The following NPEPPS variants were observed in gnomAD, a reference collection of about 807,000 sequenced individuals.
NPEPPS encodes the protein puromycin-sensitive aminopeptidase.
In NPEPPS, 14 loss-of-function variants were observed where a neutral mutation model predicts 115.5. The ratio of observed to expected loss-of-function variants is 0.12; its 90% confidence interval spans 0.08 to 0.19. The LOEUF (loss-of-function observed/expected upper bound fraction) is 0.19, where lower values mean the gene tolerates loss of function less well. Ranked by LOEUF, NPEPPS falls within the 10% of genes least tolerant of loss-of-function variation. The probability of loss-of-function intolerance (pLI) is 1.00; values close to 1 mark genes in which losing one functional copy is unlikely to be tolerated. For missense variants in NPEPPS, 523 were observed against 1,110.8 expected (o/e 0.47, Z 7.52); for synonymous variants, 285 against 390.6 (o/e 0.73, Z 3.19).
intron 2 of NPEPPS, among the ~76,000 whole-genome samples, chr17:47,552,837 A>G (rs1164364699): frequency 6.6e-6 from 1 of 152,104 alleles, no homozygotes; most frequent in Non-Finnish European, 1.5e-5. Flanking sequence ...TTTAGTGTTT[A>G]CTCTATACCA....
rs553644586 is a variant in NPEPPS, at chr17:47,571,514, C to T, written c.418+2020C>T. On this transcript the variant is annotated intron_variant, in intron 3 of 22. Transcript: ENST00000322157. The stretch of plus-strand genomic sequence containing the variant: ...CGGGTGGATCACGAGGTCAGGAGAT[C>T]GAGACCATCCTGACTAACACGGTGA... Among the ~76,000 whole-genome samples, 1,156 of 152,110 alleles carry T rather than the reference C, an allele frequency of 7.6e-3. 9 individuals are homozygous for T. The highest frequency in any genetic ancestry group is 0.012 in the Non-Finnish European group (784 of 67,984).
At chr17:47,530,482 G>A (rs1907660292), upstream of NPEPPS, among the ~76,000 whole-genome samples, 1 of 147,000 alleles carries the variant, frequency 6.8e-6, no homozygotes, top group South Asian at 2.1e-4. Flanking sequence ...TCAGCCTCCT[G>A]AGTAGCTGGG....
At chr17:47,619,537 A>T in intron 21 of NPEPPS, 200 bp from the exon 22 acceptor site, 1 of 561,068 alleles carries the variant, frequency 1.8e-6, no homozygotes, top group African/African-American at 1.9e-5. Flanking sequence ...CTGGGCAACA[A>T]GTGTGAAACT....
chr17:47,605,011 C>T (rs1275634982), intron 16 of NPEPPS, among the ~76,000 whole-genome samples: 2 of 152,124 alleles, frequency 1.3e-5, no homozygotes. Context: ...TCCCCAGAAA[C>T]TGAGTAGAAA....
intron 3 of NPEPPS, among the ~76,000 whole-genome samples, chr17:47,571,651 G>A (rs1293356972): frequency 6.6e-6 from 1 of 152,172 alleles, no homozygotes; most frequent in African/African-American, 2.4e-5. Context: ...CCGGGAGGTG[G>A]AGCTTGCAGT....
intron 2 of NPEPPS, among the ~76,000 whole-genome samples, chr17:47,568,711 A>G (rs1910993348): frequency 6.6e-6 from 1 of 152,022 alleles, no homozygotes; most frequent in East Asian, 1.9e-4. Flanking sequence ...GCTGGAGTGC[A>G]ATGATGTGAT....
At chr17:47,619,640 A>C in intron 21 of NPEPPS, 97 bp from the exon 22 acceptor site, 1 of 957,616 alleles carries the variant, frequency 1.0e-6, no homozygotes, top group South Asian at 1.3e-5. Flanking sequence ...TAACAGACTG[A>C]AGTTGGCAGA....
intron 2 of NPEPPS, among the ~76,000 whole-genome samples, chr17:47,568,723 T>G (rs1910994444): frequency 6.6e-6 from 1 of 152,148 alleles, no homozygotes; most frequent in Admixed American, 6.5e-5. Context: ...TGATGTGATC[T>G]TGGCTCACTG....
rs552206408 is a variant in NPEPPS at position 47,550,135 on chromosome 17, G to A, written c.340+4142G>A. Reference sequence around the variant, plus strand: ...TTTTTAGTAGAGACGAGGTTTTACCGTATTAGCCAGGATGGTCTCTATCTC... The same window carrying A: ...TTTTTAGTAGAGACGAGGTTTTACCATATTAGCCAGGATGGTCTCTATCTC... On this transcript the variant is annotated intron_variant, in intron 2 of 22. Transcript: ENST00000322157. Among the ~76,000 whole-genome samples, 14 of 151,814 alleles carry A rather than the reference G, an allele frequency of 9.2e-5. 1 individual carries two copies. In the South Asian group the frequency reaches 2.3e-3, roughly 25 times the overall value.
rs1284734451 is a variant in NPEPPS at position 47,623,122 on chromosome 17, T to C, written c.*1202T>C. 1 of 253,292 alleles carries C rather than the reference T, an allele frequency of 3.9e-6. No homozygotes were observed. The highest frequency in any genetic ancestry group is 7.7e-6 in the Non-Finnish European group (1 of 129,276). The allele number at this position is 253,292 out of a possible 1,614,324, so 15.7% of individuals were successfully genotyped here. On this transcript the variant is annotated 3_prime_UTR_variant, in exon 23 of 23. Coordinates refer to ENST00000322157, the MANE Select transcript of NPEPPS (RefSeq NM_006310.4). ...CTTTTTTTCTTAAAAAAATATTTTGTGTTATTAACAGAAATTCATATTTGG... is the reference window on the plus strand; with the variant it reads ...CTTTTTTTCTTAAAAAAATATTTTGCGTTATTAACAGAAATTCATATTTGG...
chr17:47,608,443 G>C (rs1913643925), intron 17 of NPEPPS, among the ~76,000 whole-genome samples: 1 of 131,534 alleles, frequency 7.6e-6, no homozygotes, highest in Admixed American at 8.9e-5. Flanking sequence ...AACAGAGCGG[G>C]ACTCCGTCTC....
intron 3 of NPEPPS, among the ~76,000 whole-genome samples, chr17:47,569,911 G>A (rs1039081193): frequency 3.1e-4 from 47 of 152,182 alleles, no homozygotes; most frequent in African/African-American, 1.1e-3. Flanking sequence ...GAGCCACCGC[G>A]CCCAGCCGTA....
chr17:47,529,884 A>G (rs1907608067), upstream of NPEPPS, among the ~76,000 whole-genome samples: 1 of 140,024 alleles, frequency 7.1e-6, no homozygotes, highest in Non-Finnish European at 1.6e-5. Context: ...AAAAAGAAAC[A>G]AAGATGAAAA....
intron 1 of NPEPPS, among the ~76,000 whole-genome samples, chr17:47,532,491 T>C (rs1373339417): frequency 6.6e-6 from 1 of 151,676 alleles, no homozygotes; most frequent in East Asian, 1.9e-4. Flanking sequence ...CCGTCTCTAC[T>C]AAAAATACAA....
At position 47,612,476 on chromosome 17, in the gene NPEPPS, C is replaced by A; in HGVS notation, c.2112C>A (p.Leu704=). ...PKPGEGHLDA[L]LRGLVLGKLG... ...TCAAATCAGGTCATCTCGATGCACT[C>A]CTGAGGGGCTTGGTTCTGGGAAAAC... The change falls in exon 18 of 23, where the codon CTC becomes CTA. Residue 704 remains leucine, a synonymous_variant. Coordinates refer to ENST00000322157, the MANE Select transcript of NPEPPS (RefSeq NM_006310.4). The A allele has an allele frequency of 3.7e-6, 6 of 1,613,700 alleles. No individual in the cohort carries two copies. Among genetic ancestry groups the A allele is most frequent in the Non-Finnish European group, 5.1e-6 (6 of 1,179,836 alleles).
chr17:47,551,078 C>T (rs1909617552), intron 2 of NPEPPS, among the ~76,000 whole-genome samples: 1 of 152,156 alleles, frequency 6.6e-6, no homozygotes, highest in African/African-American at 2.4e-5. Flanking sequence ...TTTTCTATTT[C>T]TCAATGGAAC....
At position 47,578,936 on chromosome 17, in the gene NPEPPS, A is replaced by T. The variant is rs1248191140; in HGVS notation, c.419-454A>T. 3.9e-5 allele frequency among the ~76,000 whole-genome samples: 6 copies of T among 152,272 alleles called. No individual in the cohort carries two copies. In the East Asian group the frequency reaches 1.2e-3, roughly 29 times the overall value. On this transcript the variant is annotated intron_variant, in intron 3 of 22. Transcript: ENST00000322157. ...GACTTAAACATTTTATCCCATTCTC[A>T]CTACTTACTAATTGTATGACACTGG... is the stretch of plus-strand genomic sequence containing the variant.
At chr17:47,539,645 T>C (rs2611960) in intron 1 of NPEPPS, among the ~76,000 whole-genome samples, 6 of 152,210 alleles carry the variant, frequency 3.9e-5, no homozygotes, top group Admixed American at 3.9e-4. Context: ...TTTATTCCTA[T>C]GTATAGTTTA....
At chr17:47,527,389 CAGG>C (rs1399840805), upstream of NPEPPS, among the ~76,000 whole-genome samples, 1 of 151,362 alleles carries the variant, frequency 6.6e-6, no homozygotes, top group Non-Finnish European at 1.5e-5. Context: ...GTGGCTGAGG[CAGG>C]AGAATTGCTT....
Sources: allele counts gnomAD v4.1 joint callset (sites outside exome capture counted in the v4.1 genomes callset), GRCh38; gene constraint gnomAD v4.1.1; transcripts MANE v1.5; gene names NCBI Gene and HGNC (gene_info 2026-07-23, HGNC 2026-07-21).